Variants in AEBP2 observed in about 807,000 individuals in gnomAD.
The protein encoded by AEBP2 is AE binding protein 2.
In AEBP2, 10 loss-of-function variants were observed where a neutral mutation model predicts 50.8. That is an observed-to-expected ratio of 0.20 (90% CI 0.12 to 0.33). The LOEUF (loss-of-function observed/expected upper bound fraction) is 0.33, where lower values mean the gene tolerates loss of function less well. Among genes scored for constraint, AEBP2 ranks in the 10% least tolerant of loss-of-function variants. The probability of loss-of-function intolerance (pLI) is 1.00; values close to 1 mark genes in which losing one functional copy is unlikely to be tolerated. For missense variants in AEBP2, 570 were observed against 688.0 expected, an observed-to-expected ratio of 0.83 and a Z score of 1.92; for synonymous variants, 296 against 261.3, an observed-to-expected ratio of 1.13 and a Z score of -1.28.
At chr12:19,433,470 C>G (rs2095752480) in intron 1 of AEBP2, among the ~76,000 whole-genome samples, 1 of 152,000 alleles carries the variant, frequency 6.6e-6, no homozygotes, top group South Asian at 2.1e-4. Context: ...AATAAAATAA[C>G]TGATGACATA....
chr12:19,449,719 G>A (rs1210665266), intron 1 of AEBP2, among the ~76,000 whole-genome samples: 1 of 152,174 alleles, frequency 6.6e-6, no homozygotes, highest in African/African-American at 2.4e-5. Flanking sequence ...TGTAGTAATA[G>A]TGGTAATATC....
At chr12:19,457,632 G>A in intron 1 of AEBP2, 3 of 1,406,916 alleles carry the variant, frequency 2.1e-6, no homozygotes, top group Non-Finnish European at 2.8e-6. Context: ...GTGGATATGA[G>A]TCTTTTCCTT....
rs1440524092 is a variant in AEBP2, at chr12:19,473,000, AT to A, written c.880-245del. ...GGGATATATTGCTAATATTATATAT[AT>A]TTCCTTCTGAATGGTATTCTGTGAT... On this transcript the variant is annotated intron_variant, in intron 2 of 7. Coordinates refer to ENST00000266508, the MANE Select transcript of AEBP2 (RefSeq NM_153207.5). Among the ~76,000 whole-genome samples, 5 of 152,212 alleles carry A rather than the reference AT, an allele frequency of 3.3e-5. No individual in the cohort carries two copies. In the East Asian group the frequency reaches 7.7e-4, roughly 24 times the overall value.
intron 5 of AEBP2, among the ~76,000 whole-genome samples, chr12:19,508,350 T>G (rs1040756871): frequency 2.0e-5 from 3 of 152,160 alleles, no homozygotes; most frequent in Non-Finnish European, 4.4e-5. Flanking sequence ...TGTGAGCCAC[T>G]GCGTCTGGCC....
Position 19,518,437 on chromosome 12 carries a change from G to T in AEBP2, c.*320G>T. ...CTTTGCATGCTTGCTGCTTTAAGCTGCTTTTTTTTTTCTTTTCTTCCCTTT... is the reference window on the plus strand; with the variant it reads ...CTTTGCATGCTTGCTGCTTTAAGCTTCTTTTTTTTTTCTTTTCTTCCCTTT... On this transcript the variant is annotated 3_prime_UTR_variant, in exon 8 of 8. Coordinates refer to ENST00000266508, the MANE Select transcript of AEBP2 (RefSeq NM_153207.5). 1.6e-6 allele frequency: 2 copies of T among 1,231,740 alleles called. No homozygotes were observed. Among genetic ancestry groups the T allele is most frequent in the Non-Finnish European group, 1.0e-6 (1 of 985,318 alleles). The allele number at this position is 1,231,740 out of a possible 1,614,324, so 76.3% of individuals were successfully genotyped here. A position where few individuals can be genotyped will look rare whatever the true frequency, so the allele number is the denominator to read the frequency against.
intron 1 of AEBP2, chr12:19,457,000 T>A: frequency 6.3e-7 from 1 of 1,583,962 alleles, no homozygotes; most frequent in Non-Finnish European, 8.6e-7. Flanking sequence ...TTTTCGTCCC[T>A]TGAACCAAGG....
upstream of AEBP2, among the ~76,000 whole-genome samples, chr12:19,438,086 A>C (rs561679316): frequency 1.3e-5 from 2 of 152,274 alleles, no homozygotes; most frequent in East Asian, 3.9e-4. Flanking sequence ...ATTCTTCCTC[A>C]TGCTAAATCT....
chr12:19,453,000 T>C (rs1231341627), intron 1 of AEBP2, among the ~76,000 whole-genome samples: 1 of 149,426 alleles, frequency 6.7e-6, no homozygotes, highest in Non-Finnish European at 1.5e-5. Flanking sequence ...GAGTCTCGCT[T>C]TGTCGCCCAA....
chr12:19,456,351 T>C, intron 1 of AEBP2: 1 of 1,400,592 alleles, frequency 7.1e-7, no homozygotes, highest in Non-Finnish European at 1.0e-6. Flanking sequence ...CTGTCTCATA[T>C]CATGAACAGC....
At position 19,413,250 on chromosome 12, in the gene AEBP2, G is replaced by T. The variant is rs927375949; in HGVS notation, c.-17+9034G>T. On this transcript the variant is annotated intron_variant, in intron 1 of 3. Coordinates refer to the AEBP2 transcript ENST00000538425. ...GTTTTGGATCAGTCGGCCGGGCCAG[G>T]TTTAAGTAACTTAGCACTTGTAAAG... The T allele has an allele frequency of 6.8e-6, 7 of 1,029,552 alleles. No individual in the cohort carries two copies. The African/African-American group carries it at 9.5e-5, about 14-fold the overall frequency. The allele number at this position is 1,029,552 out of a possible 1,614,324, so 63.8% of individuals were successfully genotyped here.
chr12:19,496,002 A>G (rs1386725083), intron 4 of AEBP2, among the ~76,000 whole-genome samples: 2 of 152,166 alleles, frequency 1.3e-5, no homozygotes, highest in African/African-American at 4.8e-5. Flanking sequence ...GCACACAGAA[A>G]ATTGCTAAAT....
intron 1 of AEBP2, among the ~76,000 whole-genome samples, chr12:19,441,886 A>G (rs957561253): frequency 2.6e-5 from 4 of 152,188 alleles, no homozygotes; most frequent in East Asian, 1.9e-4. Flanking sequence ...TTTACTCAGT[A>G]TACACGTATT....
At chr12:19,498,182 TTTA>T (rs1949015402) in intron 4 of AEBP2, among the ~76,000 whole-genome samples, 1 of 152,212 alleles carries the variant, frequency 6.6e-6, no homozygotes, top group Non-Finnish European at 1.5e-5. Flanking sequence ...TCCCCAAGTG[TTTA>T]TTCTTAGGAA....
chr12:19,440,707 G>A, intron 1 of AEBP2: 2 of 1,533,496 alleles, frequency 1.3e-6, no homozygotes, highest in South Asian at 1.2e-5. Context: ...GGGCCTTGAT[G>A]TACACACGTC....
chr12:19,449,639 G>A (rs1948131224), intron 1 of AEBP2, among the ~76,000 whole-genome samples: 2 of 152,052 alleles, frequency 1.3e-5, no homozygotes, highest in South Asian at 4.1e-4. Context: ...ATAATTGTGG[G>A]GATAGAAAGT....
chr12:19,445,365 GT>G (rs1948041550), intron 1 of AEBP2, among the ~76,000 whole-genome samples: 1 of 129,520 alleles, frequency 7.7e-6, no homozygotes, highest in South Asian at 2.6e-4. Context: ...TGCCCTGCTC[GT>G]TTTCTTTTTT....
At chr12:19,433,802 C>CAA (rs112434450) in intron 1 of AEBP2, among the ~76,000 whole-genome samples, 378 of 139,216 alleles carry the variant, frequency 2.7e-3, no homozygotes, top group African/African-American at 9.2e-3. Flanking sequence ...AACTCCGTCT[C>CAA]AAAAAAAAAA....
chr12:19,487,835 A>T (rs1469541554), intron 3 of AEBP2, among the ~76,000 whole-genome samples: 1 of 152,188 alleles, frequency 6.6e-6, no homozygotes, highest in Non-Finnish European at 1.5e-5. Flanking sequence ...GAAAATATTT[A>T]AAAACAAATA....
In AEBP2 at chr12:19,440,326, G is replaced by T. The variant is rs762346825; in HGVS notation, c.627G>T (p.Met209Ile). 6.8e-7 allele frequency: 1 copy of T among 1,466,050 alleles called. No homozygotes were observed. The highest frequency in any genetic ancestry group is 9.0e-7 in the Non-Finnish European group (1 of 1,116,916). The allele number at this position is 1,466,050 out of a possible 1,614,324, so 90.8% of individuals were successfully genotyped here. The change falls in exon 1 of 8, where the codon ATG becomes ATT. Residue 209 changes from methionine to isoleucine, a missense_variant. This residue lies in a region of AEBP2 where 386 missense variants were observed against 336.8 expected (regional missense o/e 1.15). Transcript: ENST00000266508. ...TSGGRRGSLE[M>I]SSDGEPLSRM... ...GGGGCCGGCGGGGCAGCTTGGAGAT[G>T]TCGTCGGATGGGGAACCCCTGAGCC...
Sources: allele counts gnomAD v4.1 joint callset (sites outside exome capture counted in the v4.1 genomes callset), GRCh38; gene constraint gnomAD v4.1.1; regional missense constraint gnomAD v4.1.1; transcripts MANE v1.5; gene names NCBI Gene and HGNC (gene_info 2026-07-23, HGNC 2026-07-21).